SH3TC2: variants seen among roughly 807,000 people sequenced by gnomAD.
SH3TC2 encodes the protein SH3 domain and tetratricopeptide repeat-containing protein 2.
A neutral mutation model predicts 124.5 loss-of-function variants in SH3TC2; 87 were observed. The observed-to-expected ratio is 0.70, with a 90% CI of 0.59 to 0.84. The LOEUF (loss-of-function observed/expected upper bound fraction) is 0.84. SH3TC2 is among the 40% of genes least tolerant of loss of function. The pLI is 0.00. For synonymous variants in SH3TC2, 634 were observed against 628.5 expected (o/e 1.01, Z -0.13); for missense variants, 1,536 against 1,566.4 (o/e 0.98, Z 0.33).
intron 1 of SH3TC2, among the ~76,000 whole-genome samples, chr5:149,059,368 G>A (rs1035312647): frequency 1.3e-5 from 2 of 152,146 alleles, no homozygotes; most frequent in Non-Finnish European, 2.9e-5. Flanking sequence ...ACAACTTGCC[G>A]AAAATGAGAA....
rs1753356882 is a variant in SH3TC2, at chr5:148,987,809, C to CTGTGTGATCTGTGTG, written c.*16901_*16902insCACACAGATCACACA. On this transcript the variant is annotated 3_prime_UTR_variant, in exon 17 of 17. Coordinates refer to ENST00000515425, the MANE Select transcript of SH3TC2 (RefSeq NM_024577.4). ...CCTCACTCGAGGCCTCATTCAAAATCTGTGTGTGTGTGTGTGTGTGTGTGT... is the reference window on the plus strand; with the variant it reads ...CCTCACTCGAGGCCTCATTCAAAATCTGTGTGATCTGTGTGTGTGTGTGTGTGTGTGTGTGTGTGT... Among the ~76,000 whole-genome samples the CTGTGTGATCTGTGTG allele has an allele frequency of 7.4e-6, 1 of 135,320 alleles. No homozygotes were observed. The highest frequency in any genetic ancestry group is 2.8e-5 in the African/African-American group (1 of 36,084). 88.8% of individuals were successfully genotyped at this position (135,320 alleles called of 152,430 possible).
At chr5:149,056,250 C>A (rs1306849045) in intron 1 of SH3TC2, among the ~76,000 whole-genome samples, 1 of 152,084 alleles carries the variant, frequency 6.6e-6, no homozygotes, top group African/African-American at 2.4e-5. Flanking sequence ...TTTTCTGCTT[C>A]TCTCCCTCCT....
chr5:149,026,245 C>T, intron 12 of SH3TC2: 1 of 342,918 alleles, frequency 2.9e-6, no homozygotes, highest in South Asian at 3.0e-5. Context: ...AGTGGCATTA[C>T]TGAGACCTAT....
In SH3TC2 at chr5:149,003,883, G is replaced by C; in HGVS notation, c.*828C>G. On this transcript the variant is annotated 3_prime_UTR_variant, in exon 17 of 17. Transcript: ENST00000515425. ...AAAAAAAAAAAAAAGACATGTATTGGTATTCTCTCCCATCCATCAAGTCCT... is the reference window on the plus strand; with the variant it reads ...AAAAAAAAAAAAAAGACATGTATTGCTATTCTCTCCCATCCATCAAGTCCT... 1 of 365,162 alleles carries C rather than the reference G, an allele frequency of 2.7e-6. No individual in the cohort carries two copies. Among genetic ancestry groups the C allele is most frequent in the East Asian group, 7.7e-5 (1 of 13,044 alleles). The allele number at this position is 365,162 out of a possible 1,614,324, so 22.6% of individuals were successfully genotyped here.
At chr5:149,018,602 T>G (rs1004350393) in intron 12 of SH3TC2, among the ~76,000 whole-genome samples, 2 of 152,086 alleles carry the variant, frequency 1.3e-5, no homozygotes, top group African/African-American at 2.4e-5. Context: ...GGGGAAACCG[T>G]GCCATGATTC....
chr5:149,056,588 T>G (rs1434932436), intron 1 of SH3TC2, among the ~76,000 whole-genome samples: 1 of 152,222 alleles, frequency 6.6e-6, no homozygotes, highest in East Asian at 1.9e-4. Flanking sequence ...CTGAGGTGTG[T>G]GTTTTTAATT....
At chr5:149,044,495 G>C in intron 4 of SH3TC2, 38 bp downstream of exon 4, 1 of 1,532,326 alleles carries the variant, frequency 6.5e-7, no homozygotes, top group Non-Finnish European at 9.0e-7. Flanking sequence ...CTAAATTGTG[G>C]AGGAGGTCAT....
chr5:149,019,161 A>G (rs1296787380), intron 12 of SH3TC2, among the ~76,000 whole-genome samples: 1 of 152,236 alleles, frequency 6.6e-6, no homozygotes, highest in Non-Finnish European at 1.5e-5. Context: ...TTCTTTTGTC[A>G]GACAGTGAGA....
chr5:149,025,680 C>A (rs1007475486), intron 12 of SH3TC2: 1 of 152,080 alleles, frequency 6.6e-6, no homozygotes, highest in Non-Finnish European at 1.5e-5. Context: ...CAGCATTAGA[C>A]CAGTGAAGAA....
chr5:149,018,594 G>C (rs891455291), intron 12 of SH3TC2, among the ~76,000 whole-genome samples: 1 of 152,100 alleles, frequency 6.6e-6, no homozygotes, highest in Non-Finnish European at 1.5e-5. Context: ...AGAGTATGGG[G>C]GAAACCGTGC....
At chr5:149,045,434 A>G (rs1754442074) in intron 3 of SH3TC2, 1 of 152,226 alleles carries the variant, frequency 6.6e-6, no homozygotes, top group African/African-American at 2.4e-5. Flanking sequence ...TGGTACTGTG[A>G]TAAACATCTT....
intron 12 of SH3TC2, among the ~76,000 whole-genome samples, chr5:149,013,863 G>A (rs1001495436): frequency 6.6e-6 from 1 of 152,188 alleles, no homozygotes; most frequent in South Asian, 2.1e-4. Flanking sequence ...CGTGTACACT[G>A]CCACACTATT....
Position 149,041,510 on chromosome 5 carries a change from C to T in SH3TC2, c.637G>A (p.Ala213Thr). The change falls in exon 6 of 17, where the codon GCT becomes ACT. Residue 213 changes from alanine (A) to threonine (T), a missense_variant. By Grantham distance (58) the Ala-to-Thr change is moderately conservative. Coordinates refer to ENST00000515425, the MANE Select transcript of SH3TC2 (RefSeq NM_024577.4). ...GACACGCCTTCCAACTCGGAGCCAG[C>T]TTCTGCCATCTTCACTGAGATTAAC... is the stretch of plus-strand genomic sequence containing the variant. ...NELISVKMAEAGSELEGVSLV... is the reference protein window; with the variant it reads ...NELISVKMAETGSELEGVSLV... 2 of 1,614,214 alleles carry T rather than the reference C, an allele frequency of 1.2e-6. No homozygotes were observed. Among genetic ancestry groups the T allele is most frequent in the South Asian group, 1.1e-5 (1 of 91,082 alleles).
At chr5:149,006,693 C>T (rs914704102) in intron 16 of SH3TC2, among the ~76,000 whole-genome samples, 188 bp downstream of exon 16, 1 of 152,176 alleles carries the variant, frequency 6.6e-6, no homozygotes, top group Admixed American at 6.5e-5. Context: ...TTGAGATCTT[C>T]AGCAGGGTTA....
At chr5:149,032,804 G>A (rs903141692) in intron 8 of SH3TC2, among the ~76,000 whole-genome samples, 1 of 152,090 alleles carries the variant, frequency 6.6e-6, no homozygotes, top group East Asian at 1.9e-4. Flanking sequence ...CATAACTCAG[G>A]TAAATGTAGT....
chr5:149,003,777 G>A lies in SH3TC2; in HGVS notation c.*934C>T, dbSNP rs774177720. 4.5e-5 allele frequency: 20 copies of A among 448,812 alleles called. No homozygotes were observed. The highest frequency in any genetic ancestry group is 1.6e-4 in the South Asian group (10 of 63,786). The allele number at this position is 448,812 out of a possible 1,614,324, so 27.8% of individuals were successfully genotyped here. On this transcript the variant is annotated 3_prime_UTR_variant, in exon 17 of 17. Transcript: ENST00000515425. ...GACACTGGAGGATCACTTGAGCCCC[G>A]GAGTCTGAGGTCGCAGGAAGCCCTG...
chr5:149,026,694 AGGGTTT>A lies in SH3TC2; in HGVS notation c.2925_2930del (p.Asn976_Pro977del). 6.2e-7 allele frequency: 1 copy of A among 1,614,204 alleles called. No homozygotes were observed. The highest frequency in any genetic ancestry group is 8.5e-7 in the Non-Finnish European group (1 of 1,180,044). ...GCTCATGGTAGGTGATGCATGCCTC[AGGGTTT>A]GGGGACACAGAGCTGTAGAAATGGC... On this transcript the variant is annotated inframe_deletion, in exon 12 of 17. Transcript: ENST00000515425.
intron 1 of SH3TC2, among the ~76,000 whole-genome samples, chr5:149,060,599 G>A (rs1754729929): frequency 6.6e-6 from 1 of 152,116 alleles, no homozygotes; most frequent in Non-Finnish European, 1.5e-5. Context: ...CTGTTTTGGT[G>A]TCTGCTGTTA....
rs764436192 is a variant in SH3TC2, at chr5:149,027,427, C to T, written c.2305G>A (p.Glu769Lys). Residue 769 changes from glutamate (E) to lysine (K), a missense_variant, in exon 11 of 17, where the codon GAG becomes AAG. By Grantham distance (56) the Glu-to-Lys change is moderately conservative. Transcript: ENST00000515425. ...ATGGCACCGTCAGGAGACCTGTGCT[C>T]GAGGTACACTTTGGAAAGGATGAGA... ...LCLILSKVYL[E>K]HRSPDGAIHY... is the part of the protein sequence containing the mutation. The T allele has an allele frequency of 6.2e-6, 10 of 1,614,108 alleles. No individual in the cohort carries two copies. The East Asian group carries it at 1.1e-4, about 18-fold the overall frequency.
Sources: allele counts gnomAD v4.1 joint callset (sites outside exome capture counted in the v4.1 genomes callset), GRCh38; gene constraint gnomAD v4.1.1; transcripts MANE v1.5; gene names NCBI Gene and HGNC (gene_info 2026-07-23, HGNC 2026-07-21).